ITPR1: variants seen among roughly 807,000 people sequenced by gnomAD.
The protein encoded by ITPR1 is inositol 1,4,5-trisphosphate receptor type 1.
A neutral mutation model predicts 318.4 loss-of-function variants in ITPR1; 96 were observed. The ratio of observed to expected loss-of-function variants is 0.30; its 90% confidence interval spans 0.26 to 0.36. ITPR1 has a LOEUF of 0.36. Ranked by LOEUF, ITPR1 falls within the 10% of genes least tolerant of loss-of-function variation. ITPR1 has a pLI of 1.00. For synonymous variants in ITPR1, 1,312 were observed against 1,289.9 expected (o/e 1.02, Z -0.37); for missense variants, 2,440 against 3,460.2 (o/e 0.71, Z 7.40).
chr3:4,736,395 G>A (rs996424858), intron 44 of ITPR1, among the ~76,000 whole-genome samples: 6 of 152,244 alleles, frequency 3.9e-5, no homozygotes, highest in Non-Finnish European at 7.3e-5. Context: ...AGGGTGCCTG[G>A]CTTGGCAGGT....
intron 31 of ITPR1, among the ~76,000 whole-genome samples, chr3:4,690,300 C>T (rs1275174339): frequency 3.3e-5 from 5 of 152,046 alleles, no homozygotes; most frequent in South Asian, 4.2e-4. Flanking sequence ...TAAATAAGAA[C>T]GTAAAGGCAA....
At chr3:4,712,874 A>G (rs1340826609) in intron 39 of ITPR1, among the ~76,000 whole-genome samples, 2 of 152,246 alleles carry the variant, frequency 1.3e-5, no homozygotes, top group Non-Finnish European at 2.9e-5. Flanking sequence ...CAAGAGTTCC[A>G]TGACTAGAAA....
intron 3 of ITPR1, among the ~76,000 whole-genome samples, chr3:4,519,686 T>G (rs1575393053): frequency 6.6e-6 from 1 of 152,120 alleles, no homozygotes; most frequent in African/African-American, 2.4e-5. Context: ...ACTCAGGCCA[T>G]TGGCTACACT....
chr3:4,678,511 G>GTGCA (rs2094230293), intron 24 of ITPR1, among the ~76,000 whole-genome samples: 2 of 152,174 alleles, frequency 1.3e-5, no homozygotes, highest in South Asian at 4.1e-4. Flanking sequence ...TCCCTACCAT[G>GTGCA]TGCACTGTGA....
intron 4 of ITPR1, among the ~76,000 whole-genome samples, chr3:4,558,068 A>G (rs191475308): frequency 2.6e-5 from 4 of 152,328 alleles, no homozygotes; most frequent in Admixed American, 6.5e-5. Context: ...CAAACCGGCC[A>G]ACTTCTCAAT....
At chr3:4,768,210 A>G in intron 45 of ITPR1, 1 of 291,174 alleles carries the variant, frequency 3.4e-6, no homozygotes, top group Non-Finnish European at 6.3e-6. Context: ...TTTAAAGATC[A>G]GGAAGCTGAG....
At chr3:4,799,100 A>T (rs1356159372) in intron 53 of ITPR1, among the ~76,000 whole-genome samples, 1 of 152,234 alleles carries the variant, frequency 6.6e-6, no homozygotes, top group Non-Finnish European at 1.5e-5. Context: ...TAAAATATTG[A>T]TTAAGGACCA....
At chr3:4,726,403 CGT>C (rs908690537) in intron 41 of ITPR1, among the ~76,000 whole-genome samples, 8 of 151,580 alleles carry the variant, frequency 5.3e-5, no homozygotes, top group Non-Finnish European at 1.2e-4. Flanking sequence ...GAAGGACTAA[CGT>C]TTACTAAGGT....
rs751140794 is a variant in ITPR1 at position 4,685,077 on chromosome 3, T to A, written c.3573T>A (p.Ile1191=). 1.4e-5 allele frequency: 22 copies of A among 1,609,520 alleles called. No individual in the cohort carries two copies. The highest frequency in any genetic ancestry group is 1.5e-5 in the Non-Finnish European group (18 of 1,177,858). The stretch of plus-strand genomic sequence containing the variant: ...TTCTTTCATTCTACTAGATTTTGAT[T>A]CGGCTTAGCAAACTCTGTGTTCAAG... ...YNYRVVKEIL[I]RLSKLCVQES... is the part of the protein sequence containing the mutation. The change falls in exon 30 of 62, where the codon ATT becomes ATA. Residue 1191 remains isoleucine (I), a synonymous_variant. Coordinates refer to ENST00000649015, the MANE Select transcript of ITPR1 (RefSeq NM_001378452.1).
intron 44 of ITPR1, among the ~76,000 whole-genome samples, chr3:4,761,257 C>T (rs532647708): frequency 1.3e-5 from 2 of 152,284 alleles, no homozygotes; most frequent in African/African-American, 4.8e-5. Flanking sequence ...AAGAGTTTTG[C>T]AGCCCTTGCC....
At chr3:4,681,772 CA>C (rs932876155) in intron 26 of ITPR1, among the ~76,000 whole-genome samples, 59 of 152,064 alleles carry the variant, frequency 3.9e-4, no homozygotes, top group African/African-American at 1.3e-3. Context: ...GAGAGGGGCT[CA>C]AAACAGAGTG....
intron 12 of ITPR1, among the ~76,000 whole-genome samples, chr3:4,656,554 C>G (rs7632260): frequency 0.042 from 6,440 of 152,158 alleles, 460 homozygotes; most frequent in African/African-American, 0.15. Flanking sequence ...GGAAGAGATA[C>G]AGGTTTTGGA....
Position 4,818,116 on chromosome 3 carries a change from C to A in ITPR1, c.7902C>A (p.Val2634=), listed in dbSNP as rs769491699. The change falls in exon 60 of 62, where the codon GTC becomes GTA. Residue 2634 remains valine (V), a synonymous_variant. Transcript: ENST00000649015. ...LERDKFDNKT[V]TFEEHIKEEH... ...GAGACAAGTTTGACAACAAGACTGT[C>A]ACCTTTGAAGAGCACATCAAGGAAG... is the stretch of plus-strand genomic sequence containing the variant. The A allele has an allele frequency of 7.5e-6, 12 of 1,604,732 alleles. No homozygotes were observed. Among genetic ancestry groups the A allele is most frequent in the Non-Finnish European group, 1.0e-5 (12 of 1,173,204 alleles).
At chr3:4,680,885 C>T (rs1233515919) in intron 25 of ITPR1, among the ~76,000 whole-genome samples, 194 bp downstream of exon 25, 1 of 152,206 alleles carries the variant, frequency 6.6e-6, no homozygotes. Context: ...TGGGTTGGAT[C>T]TTGTTTCCTT....
At chr3:4,495,374 C>T (rs1320136740) in intron 2 of ITPR1, among the ~76,000 whole-genome samples, 2 of 152,130 alleles carry the variant, frequency 1.3e-5, no homozygotes, top group African/African-American at 4.8e-5. Context: ...AATCTTTGGG[C>T]TTTTCTAATG....
At chr3:4,746,543 G>A (rs2044121998) in intron 44 of ITPR1, among the ~76,000 whole-genome samples, 1 of 143,104 alleles carries the variant, frequency 7.0e-6, no homozygotes, top group South Asian at 2.1e-4. Flanking sequence ...ATCCCCTGAG[G>A]CAGAGATAAT....
chr3:4,656,568 T>G (rs1224827065), intron 12 of ITPR1, among the ~76,000 whole-genome samples: 2 of 152,168 alleles, frequency 1.3e-5, no homozygotes, highest in Non-Finnish European at 2.9e-5. Context: ...TTTTGGATAT[T>G]AAAAGAACCT....
chr3:4,572,415 T>G (rs955043631), intron 4 of ITPR1, among the ~76,000 whole-genome samples: 2 of 152,080 alleles, frequency 1.3e-5, no homozygotes, highest in African/African-American at 2.4e-5. Flanking sequence ...ATGCATATAT[T>G]ATAGTTCTAA....
chr3:4,503,616 A>T (rs554635486), intron 2 of ITPR1, among the ~76,000 whole-genome samples: 4 of 152,226 alleles, frequency 2.6e-5, no homozygotes, highest in Admixed American at 6.5e-5. Context: ...TCTGGCAGGC[A>T]GGGGTGGGGT....
Sources: allele counts gnomAD v4.1 joint callset (sites outside exome capture counted in the v4.1 genomes callset), GRCh38; gene constraint gnomAD v4.1.1; transcripts MANE v1.5; gene names NCBI Gene and HGNC (gene_info 2026-07-23, HGNC 2026-07-21).